The following TULP4 variants were observed in gnomAD, a reference collection of about 807,000 sequenced individuals.
The protein encoded by TULP4 is TUB like protein 4.
Under a neutral mutation model 129.0 loss-of-function variants are expected in TULP4, and 16 were observed. The observed-to-expected ratio is 0.12, with a 90% CI of 0.08 to 0.19. The LOEUF (loss-of-function observed/expected upper bound fraction) is 0.19, where lower values mean the gene tolerates loss of function less well. Ranked by LOEUF, TULP4 falls within the 10% of genes least tolerant of loss-of-function variation. The probability of loss-of-function intolerance (pLI) is 1.00; values close to 1 mark genes in which losing one functional copy is unlikely to be tolerated. For synonymous variants in TULP4, 998 were observed against 854.0 expected (o/e 1.17, Z -2.94); for missense variants, 1,842 against 2,059.1 (o/e 0.89, Z 2.04).
intron 1 of TULP4, among the ~76,000 whole-genome samples, chr6:158,339,764 G>C (rs1242739544): frequency 6.6e-6 from 1 of 151,962 alleles, no homozygotes; most frequent in Non-Finnish European, 1.5e-5. Flanking sequence ...TGTTCTTAAG[G>C]TGCCCAGATT....
intron 1 of TULP4, among the ~76,000 whole-genome samples, chr6:158,364,234 A>G (rs896057985): frequency 1.1e-4 from 16 of 152,244 alleles, no homozygotes; most frequent in African/African-American, 3.9e-4. Flanking sequence ...AGAAGTTAAA[A>G]TATGGAAGTG....
chr6:158,413,232 G>A lies in TULP4; in HGVS notation c.381+39G>A, dbSNP rs762697400. 4 of 1,581,156 alleles carry A rather than the reference G, an allele frequency of 2.5e-6. No homozygotes were observed. In the South Asian group the frequency reaches 3.4e-5, roughly 13 times the overall value. On this transcript the variant is annotated intron_variant, in intron 2 of 13. Coordinates refer to ENST00000367097, the MANE Select transcript of TULP4 (RefSeq NM_020245.5). The surrounding 1 kb of genome is among the most constrained non-coding windows in gnomAD (Gnocchi z 4.9). ...GCAGCTCTGCCAGTGAAGGGCTGCG[G>A]GGTAGAGGACTCCCAGACAGGCATT... is the stretch of plus-strand genomic sequence containing the variant.
Position 158,506,271 on chromosome 6 carries a change from G to A in TULP4, c.4516-307G>A, listed in dbSNP as rs182873866. Among the ~76,000 whole-genome samples the A allele has an allele frequency of 4.6e-3, 505 of 110,672 alleles. 5 individuals are homozygous for A. The highest frequency in any genetic ancestry group is 0.017 in the African/African-American group (481 of 27,944). The allele number at this position is 110,672 out of a possible 152,430, so 72.6% of individuals were successfully genotyped here. Reference sequence around the variant, plus strand: ...TTTTTGAGATGAAGTCTCCTCTGTCGCCCAGGCTGGAGTGCAGTGGCCCAA... The same window carrying A: ...TTTTTGAGATGAAGTCTCCTCTGTCACCCAGGCTGGAGTGCAGTGGCCCAA... On this transcript the variant is annotated intron_variant, in intron 13 of 13. Transcript: ENST00000367097.
At chr6:158,274,650 G>A (rs370330678) in intron 1 of TULP4, among the ~76,000 whole-genome samples, 8 of 152,072 alleles carry the variant, frequency 5.3e-5, no homozygotes, top group African/African-American at 1.4e-4. Flanking sequence ...GGTGGCGGGC[G>A]CCTGTAGTCC....
intron 1 of TULP4, among the ~76,000 whole-genome samples, chr6:158,385,025 G>A (rs1417958465): frequency 1.3e-5 from 2 of 152,150 alleles, no homozygotes; most frequent in Non-Finnish European, 2.9e-5. Flanking sequence ...AGAGTTAGTC[G>A]ACTAAGGCAA....
intron 8 of TULP4, among the ~76,000 whole-genome samples, chr6:158,484,597 C>T (rs1780022788): frequency 6.6e-6 from 1 of 151,980 alleles, no homozygotes; most frequent in South Asian, 2.1e-4. Flanking sequence ...TAGGTGGATC[C>T]TGATCTGATT....
intron 1 of TULP4, among the ~76,000 whole-genome samples, chr6:158,319,135 G>T (rs756643515): frequency 6.6e-6 from 1 of 152,082 alleles, no homozygotes; most frequent in Non-Finnish European, 1.5e-5. Context: ...ATGTGAAGCC[G>T]CTGGTTGTTG....
At chr6:158,235,943 T>C (rs1031255996) in intron 1 of TULP4, among the ~76,000 whole-genome samples, 2 of 152,258 alleles carry the variant, frequency 1.3e-5, no homozygotes, top group Non-Finnish European at 2.9e-5. Flanking sequence ...CCATGGGGGA[T>C]AAAACCAGTA....
Position 158,313,161 on chromosome 6 carries a change from G to A in TULP4, c.-856G>A, listed in dbSNP as rs1256965777. 2.0e-5 allele frequency: 5 copies of A among 247,158 alleles called. No individual in the cohort carries two copies. Among genetic ancestry groups the A allele is most frequent in the Admixed American group, 5.5e-5 (1 of 18,050 alleles). The allele number at this position is 247,158 out of a possible 1,614,324, so 15.3% of individuals were successfully genotyped here. A position where few individuals can be genotyped will look rare whatever the true frequency, so the allele number is the denominator to read the frequency against. The stretch of plus-strand genomic sequence containing the variant: ...CAAACACTGGGACCACTGTAAGAGC[G>A]CTGGAACATTCTGCCTCTTGAGTGA... On this transcript the variant is annotated 5_prime_UTR_variant, in exon 1 of 14. Transcript: ENST00000367097.
chr6:158,293,396 C>A (rs896463426), intron 1 of TULP4, among the ~76,000 whole-genome samples: 6 of 152,206 alleles, frequency 3.9e-5, no homozygotes, highest in African/African-American at 1.4e-4. Context: ...GGCAATGTGC[C>A]ATGCTCAGTA....
At chr6:158,497,719 G>T (rs1417700195) in intron 11 of TULP4, among the ~76,000 whole-genome samples, 4 of 152,194 alleles carry the variant, frequency 2.6e-5, no homozygotes, top group African/African-American at 9.6e-5. Context: ...CATGCCTAGG[G>T]CCTTTCCTGC....
intron 10 of TULP4, among the ~76,000 whole-genome samples, chr6:158,494,406 C>T (rs1488009607): frequency 6.6e-6 from 1 of 152,188 alleles, no homozygotes; most frequent in Non-Finnish European, 1.5e-5. Flanking sequence ...AGTTTCAGGA[C>T]ATACTGGTAC....
chr6:158,432,759 A>G (rs1207519453), intron 3 of TULP4, among the ~76,000 whole-genome samples: 1 of 152,200 alleles, frequency 6.6e-6, no homozygotes. Context: ...TGTTTTGCCA[A>G]CTTTCTATTA....
intron 1 of TULP4, among the ~76,000 whole-genome samples, chr6:158,272,970 A>T (rs1364228770): frequency 6.6e-6 from 1 of 152,208 alleles, no homozygotes; most frequent in Non-Finnish European, 1.5e-5. Flanking sequence ...TGGCTTTGGG[A>T]ATCTGGTCCG....
At chr6:158,442,050 C>T (rs939293377) in intron 3 of TULP4, among the ~76,000 whole-genome samples, 1 of 152,156 alleles carries the variant, frequency 6.6e-6, no homozygotes, top group Non-Finnish European at 1.5e-5. Context: ...CCTCCCTCCT[C>T]CTCCCTCATT....
At chr6:158,432,697 C>A (rs928797364) in intron 3 of TULP4, among the ~76,000 whole-genome samples, 5 of 152,168 alleles carry the variant, frequency 3.3e-5, no homozygotes, top group Admixed American at 1.3e-4. Context: ...CCCGTCTGTA[C>A]TAAAAATAGA....
At chr6:158,418,661 C>T (rs1265202560) in intron 2 of TULP4, among the ~76,000 whole-genome samples, 4 of 152,192 alleles carry the variant, frequency 2.6e-5, no homozygotes, top group African/African-American at 9.6e-5. Context: ...CCCAGCTACT[C>T]GGAAGGCGGC....
chr6:158,251,008 G>A (rs1778129864), intron 1 of TULP4, among the ~76,000 whole-genome samples: 1 of 152,130 alleles, frequency 6.6e-6, no homozygotes, highest in East Asian at 1.9e-4. Flanking sequence ...CGCTCCTTTG[G>A]TGTTGAGTGG....
intron 5 of TULP4, among the ~76,000 whole-genome samples, chr6:158,455,008 A>G (rs1779260873): frequency 6.6e-6 from 1 of 151,982 alleles, no homozygotes; most frequent in Non-Finnish European, 1.5e-5. Context: ...CCCAAATGTG[A>G]AATTTTTTTC....
Sources: gnomAD v4.1 joint callset for allele counts (sites outside exome capture counted in the v4.1 genomes callset) on GRCh38, gnomAD v4.1.1 for gene constraint, Gnocchi (gnomAD v3.1) non-coding constraint, MANE v1.5 for transcripts, NCBI Gene and HGNC (gene_info 2026-07-23, HGNC 2026-07-21) for gene names.